Variants in NCKAP5 observed in about 807,000 individuals in gnomAD.
NCKAP5 encodes the protein NCK associated protein 5.
In NCKAP5, 92 loss-of-function variants were observed where a neutral mutation model predicts 167.0. That is an observed-to-expected ratio of 0.55 (90% CI 0.47 to 0.66). The LOEUF is 0.66. Among genes scored for constraint, NCKAP5 ranks in the 30% least tolerant of loss-of-function variants. The probability of loss-of-function intolerance (pLI) is 0.00; values close to 1 mark genes in which losing one functional copy is unlikely to be tolerated. For missense variants in NCKAP5, 2,378 were observed against 2,315.0 expected (o/e 1.03, Z -0.56); for synonymous variants, 891 against 877.4 (o/e 1.02, Z -0.27).
At chr2:133,116,937 T>C (rs1262756014) in intron 6 of NCKAP5, 1 of 152,204 alleles carries the variant, frequency 6.6e-6, no homozygotes, top group African/African-American at 2.4e-5. Context: ...TCAATAATAT[T>C]AGCTCACTTG....
At chr2:132,699,414 T>G (rs988179475) in intron 19 of NCKAP5, among the ~76,000 whole-genome samples, 7 of 152,142 alleles carry the variant, frequency 4.6e-5, no homozygotes, top group Admixed American at 3.3e-4. Context: ...TGTGCCATGT[T>G]GGTGTGCTGC....
chr2:133,442,660 T>C (rs1574963578), intron 3 of NCKAP5, among the ~76,000 whole-genome samples: 1 of 152,180 alleles, frequency 6.6e-6, no homozygotes, highest in Non-Finnish European at 1.5e-5. Context: ...AGCCATTAGT[T>C]CCCCAGCACC....
At chr2:132,842,702 A>G (rs1574395109) in intron 11 of NCKAP5, among the ~76,000 whole-genome samples, 1 of 151,086 alleles carries the variant, frequency 6.6e-6, no homozygotes, top group African/African-American at 2.4e-5. Context: ...GTGTGCCACC[A>G]TGCCCGGATG....
At chr2:132,778,446 G>A (rs1682737363) in intron 15 of NCKAP5, among the ~76,000 whole-genome samples, 1 of 151,988 alleles carries the variant, frequency 6.6e-6, no homozygotes, top group Non-Finnish European at 1.5e-5. Context: ...TTTGTTATAT[G>A]TATGGAAATA....
At chr2:132,780,651 T>G (rs1006237575) in intron 15 of NCKAP5, among the ~76,000 whole-genome samples, 12 of 152,226 alleles carry the variant, frequency 7.9e-5, no homozygotes, top group Non-Finnish European at 1.8e-4. Flanking sequence ...TCTCTTAAAT[T>G]GTTTAGCACT....
chr2:132,862,371 T>C (rs1263766903), intron 10 of NCKAP5, among the ~76,000 whole-genome samples: 1 of 152,160 alleles, frequency 6.6e-6, no homozygotes, highest in Admixed American at 6.5e-5. Context: ...AAAGCTTATG[T>C]ATAGGGTGTT....
At chr2:133,417,659 A>G (rs1028401682) in intron 3 of NCKAP5, among the ~76,000 whole-genome samples, 7 of 152,282 alleles carry the variant, frequency 4.6e-5, no homozygotes, top group African/African-American at 1.7e-4. Context: ...TGGGCCTCCA[A>G]CAGGATGATT....
chr2:132,949,013 A>AGAAAAGAAAAGAAAG (rs1217397534), intron 8 of NCKAP5, among the ~76,000 whole-genome samples: 2 of 115,292 alleles, frequency 1.7e-5, no homozygotes, highest in African/African-American at 1.1e-4. Context: ...TGAAAAGAAA[A>AGAAAAGAAAAGAAAG]GAAAAGAAAA....
At chr2:133,487,075 G>T (rs935016207) in intron 3 of NCKAP5, among the ~76,000 whole-genome samples, 2 of 152,144 alleles carry the variant, frequency 1.3e-5, no homozygotes, top group East Asian at 3.8e-4. Flanking sequence ...ACATTTTCCT[G>T]TTTGGAGAAC....
In NCKAP5 at chr2:132,880,241, A is replaced by AT. The variant is rs529179975; in HGVS notation, c.580-1326dup. On this transcript the variant is annotated intron_variant, in intron 8 of 19. Transcript: ENST00000409261. Reference sequence around the variant, plus strand: ...TAGTTAAATAAAAGGTGTAAGTTCTATTTTTTGACAGCAGAGTAGGGTGAC... The same window carrying AT: ...TAGTTAAATAAAAGGTGTAAGTTCTATTTTTTTGACAGCAGAGTAGGGTGAC... 1.7e-3 allele frequency among the ~76,000 whole-genome samples: 265 copies of AT among 152,334 alleles called. 1 individual carries two copies. Among genetic ancestry groups the AT allele is most frequent in the African/African-American group, 6.2e-3 (259 of 41,570 alleles).
chr2:133,565,001 G>A (rs753740367), intron 1 of NCKAP5, among the ~76,000 whole-genome samples: 8 of 152,168 alleles, frequency 5.3e-5, no homozygotes, highest in Non-Finnish European at 8.8e-5. Flanking sequence ...GAACCAATGC[G>A]GACGGAGTTC....
intron 2 of NCKAP5, among the ~76,000 whole-genome samples, chr2:133,542,536 T>C (rs927859961): frequency 2.0e-5 from 3 of 152,196 alleles, no homozygotes; most frequent in African/African-American, 7.2e-5. Context: ...AGCCTTCAAG[T>C]AGCAAACCTC....
chr2:133,305,016 A>G (rs2150579406), intron 3 of NCKAP5, among the ~76,000 whole-genome samples: 1 of 152,346 alleles, frequency 6.6e-6, no homozygotes, highest in East Asian at 1.9e-4. Context: ...AGGGAGCCAG[A>G]CATTACAGGC....
intron 3 of NCKAP5, among the ~76,000 whole-genome samples, chr2:133,444,409 T>TAG (rs1190357351): frequency 0.061 from 8,450 of 138,434 alleles, 437 homozygotes; most frequent in East Asian, 0.24. Flanking sequence ...GATAGATAGA[T>TAG]ATAGATATAG....
chr2:133,131,573 A>G (rs189929826), intron 5 of NCKAP5, among the ~76,000 whole-genome samples: 67 of 152,284 alleles, frequency 4.4e-4, no homozygotes, highest in Non-Finnish European at 7.5e-4. Context: ...ATTGATTCTG[A>G]AGCTGGCCTT....
chr2:133,506,605 G>C (rs1270129610), intron 3 of NCKAP5, among the ~76,000 whole-genome samples: 3 of 152,258 alleles, frequency 2.0e-5, no homozygotes, highest in Middle Eastern at 3.4e-3. Flanking sequence ...CTCCACCTAA[G>C]TGGCATTTCC....
the NCKAP5 span, among the ~76,000 whole-genome samples, chr2:133,665,133 T>C: frequency 6.6e-6 from 1 of 152,244 alleles, no homozygotes; most frequent in Non-Finnish European, 1.5e-5. Context: ...CTGTTTCACT[T>C]TTTGGTGTTA....
At chr2:133,650,525 T>C in the NCKAP5 span, among the ~76,000 whole-genome samples, 1 of 152,088 alleles carries the variant, frequency 6.6e-6, no homozygotes, top group African/African-American at 2.4e-5. Context: ...TATAGATCAA[T>C]AGAACAGAAC....
chr2:132,779,324 C>G (rs935984513), intron 15 of NCKAP5, among the ~76,000 whole-genome samples: 2 of 151,944 alleles, frequency 1.3e-5, no homozygotes, highest in African/African-American at 2.4e-5. Flanking sequence ...GAAGATATAC[C>G]CTAGGCTGTC....
Sources: allele counts gnomAD v4.1 joint callset (sites outside exome capture counted in the v4.1 genomes callset), GRCh38; gene constraint gnomAD v4.1.1; transcripts MANE v1.5; gene names NCBI Gene and HGNC (gene_info 2026-07-23, HGNC 2026-07-21).